The following PID1 variants were observed in gnomAD, a reference collection of about 807,000 sequenced individuals.
PID1 encodes PTB-containing, cubilin and LRP1-interacting protein.
In PID1, 10 loss-of-function variants were observed where a neutral mutation model predicts 19.1. The ratio of observed to expected loss-of-function variants is 0.52; its 90% CI spans 0.32 to 0.89. The LOEUF is 0.89. PID1 is among the 40% of genes least tolerant of loss of function. The probability of loss-of-function intolerance (pLI) is 0.03; values close to 1 mark genes in which losing one functional copy is unlikely to be tolerated. For synonymous variants in PID1, 130 were observed against 116.0 expected, an observed-to-expected ratio of 1.12 and a Z score of -0.78; for missense variants, 248 against 285.3, an observed-to-expected ratio of 0.87 and a Z score of 0.94.
At chr2:229,260,541 AT>A (rs1346739738) in intron 1 of PID1, among the ~76,000 whole-genome samples, 1 of 151,164 alleles carries the variant, frequency 6.6e-6, no homozygotes, top group African/African-American at 2.4e-5. Context: ...TATAATTGAA[AT>A]TCATGAGAAA....
intron 1 of PID1, among the ~76,000 whole-genome samples, chr2:229,166,281 G>A (rs10171191): frequency 0.45 from 68,421 of 152,004 alleles, 16,915 homozygotes; most frequent in Admixed American, 0.61. Context: ...TGACTGAGAG[G>A]AGATCAGTTG....
At chr2:229,143,308 G>T (rs960781071) in intron 2 of PID1, among the ~76,000 whole-genome samples, 3 of 151,302 alleles carry the variant, frequency 2.0e-5, no homozygotes, top group African/African-American at 7.3e-5. Context: ...TAACTAACCT[G>T]CACATTGTGC....
intron 2 of PID1, among the ~76,000 whole-genome samples, chr2:229,063,997 G>A (rs1694269055): frequency 1.3e-5 from 2 of 151,984 alleles, no homozygotes; most frequent in South Asian, 4.2e-4. Flanking sequence ...AATCATCCTA[G>A]GGGAAAATAT....
At chr2:229,035,586 T>C (rs1008024560) in intron 2 of PID1, among the ~76,000 whole-genome samples, 2 of 151,824 alleles carry the variant, frequency 1.3e-5, no homozygotes, top group African/African-American at 4.8e-5. Flanking sequence ...ATGATTCTGA[T>C]ACCAAAAGAT....
At chr2:229,116,185 C>T (rs919597883) in intron 2 of PID1, among the ~76,000 whole-genome samples, 2 of 152,108 alleles carry the variant, frequency 1.3e-5, no homozygotes, top group Admixed American at 6.5e-5. Context: ...CGAGATTGCA[C>T]CACTGCACTC....
At position 229,177,265 on chromosome 2, in the gene PID1, T is replaced by A. The variant is rs185274609; in HGVS notation, c.31-21301A>T. On this transcript the variant is annotated intron_variant, in intron 1 of 2. Transcript: ENST00000392055. ...TAGGGACACAGCCAACCATATCGCC[T>A]CCCAAGCCCCAGTTTGTTCATCTGT... 6.0e-4 allele frequency among the ~76,000 whole-genome samples: 92 copies of A among 152,180 alleles called. 2 individuals are homozygous for A. Among genetic ancestry groups the A allele is most frequent in the African/African-American group, 2.0e-3 (83 of 41,536 alleles).
rs112003681 is a variant in PID1 at position 229,095,140 on chromosome 2, C to T, written c.177+60678G>A. On this transcript the variant is annotated intron_variant, in intron 2 of 2. Transcript: ENST00000392055. ...ATACCCTTCCCTAACCTAAACCACACAAACACAGAGAGACCCCGGTTTCTC... is the reference window on the plus strand; with the variant it reads ...ATACCCTTCCCTAACCTAAACCACATAAACACAGAGAGACCCCGGTTTCTC... 7.6e-3 allele frequency among the ~76,000 whole-genome samples: 1,157 copies of T among 152,260 alleles called. 15 individuals are homozygous for T. Among genetic ancestry groups the T allele is most frequent in the African/African-American group, 0.027 (1,107 of 41,534 alleles).
At chr2:229,077,729 G>A (rs1694588312) in intron 2 of PID1, among the ~76,000 whole-genome samples, 1 of 152,118 alleles carries the variant, frequency 6.6e-6, no homozygotes, top group African/African-American at 2.4e-5. Flanking sequence ...CCTCTGTTCT[G>A]TTCCATTGGT....
At chr2:229,200,059 G>A (rs958870474) in intron 1 of PID1, among the ~76,000 whole-genome samples, 5 of 151,726 alleles carry the variant, frequency 3.3e-5, no homozygotes, top group African/African-American at 7.3e-5. Flanking sequence ...CACAGGTTCC[G>A]GCACTAAGAG....
chr2:229,090,302 C>A lies in PID1; in HGVS notation c.178-64194G>T, dbSNP rs149974186. On this transcript the variant is annotated intron_variant, in intron 2 of 2. Coordinates refer to ENST00000392055, the MANE Select transcript of PID1 (RefSeq NM_001100818.2). ...AGCAAAGCAGGAATCTACAGAATAA[C>A]AGACTAATTTAATTAATGCCATTTG... Among the ~76,000 whole-genome samples, 739 of 152,294 alleles carry A rather than the reference C, an allele frequency of 4.9e-3. 11 individuals are homozygous for A. Among genetic ancestry groups the A allele is most frequent in the African/African-American group, 0.017 (707 of 41,566 alleles).
chr2:229,192,179 T>C (rs540713450), intron 1 of PID1, among the ~76,000 whole-genome samples: 1 of 152,336 alleles, frequency 6.6e-6, no homozygotes, highest in East Asian at 1.9e-4. Context: ...ACTAGCTCTT[T>C]CAATACACAA....
intron 1 of PID1, among the ~76,000 whole-genome samples, chr2:229,185,026 ACTATATATC>A (rs1475621801): frequency 6.9e-6 from 1 of 144,796 alleles, no homozygotes; most frequent in African/African-American, 2.5e-5. Flanking sequence ...CTATATGTAT[ACTATATATC>A]CTATATATAT....
At chr2:229,026,632 T>C (rs1039784962) in intron 2 of PID1, among the ~76,000 whole-genome samples, 7 of 152,370 alleles carry the variant, frequency 4.6e-5, no homozygotes, top group African/African-American at 1.7e-4. Context: ...ACGCAAAAAC[T>C]GTTCTCTTGA....
intron 1 of PID1, among the ~76,000 whole-genome samples, chr2:229,198,563 T>A (rs188628510): frequency 6.6e-6 from 1 of 152,098 alleles, no homozygotes; most frequent in Admixed American, 6.6e-5. Context: ...ATGTCCCATA[T>A]GGAATACACA....
intron 2 of PID1, among the ~76,000 whole-genome samples, chr2:229,090,725 A>G (rs1042032817): frequency 1.3e-5 from 2 of 152,240 alleles, no homozygotes; most frequent in Admixed American, 1.3e-4. Flanking sequence ...GCCAGGCAAG[A>G]AATGAGAGAA....
intron 1 of PID1, among the ~76,000 whole-genome samples, chr2:229,260,000 G>T (rs541462432): frequency 4.0e-4 from 61 of 152,252 alleles, no homozygotes; most frequent in Admixed American, 4.6e-4. Flanking sequence ...AATGTCTGTA[G>T]TTTCTAAGCT....
intron 1 of PID1, among the ~76,000 whole-genome samples, chr2:229,223,728 A>G (rs1348609872): frequency 6.6e-6 from 1 of 152,236 alleles, no homozygotes; most frequent in Non-Finnish European, 1.5e-5. Flanking sequence ...TGTGAAGCCA[A>G]TAGTAACCTC....
chr2:229,217,027 A>T (rs1446357808), intron 1 of PID1, among the ~76,000 whole-genome samples: 3 of 152,242 alleles, frequency 2.0e-5, no homozygotes, highest in South Asian at 2.1e-4. Flanking sequence ...TAAGTAGATA[A>T]AATCACTATA....
chr2:229,168,005 A>G (rs1286819960), intron 1 of PID1, among the ~76,000 whole-genome samples: 2 of 152,130 alleles, frequency 1.3e-5, no homozygotes, highest in African/African-American at 4.8e-5. Flanking sequence ...ACTAAGTTAT[A>G]TTCTAGTTTC....
Sources: gnomAD v4.1 joint callset for allele counts (sites outside exome capture counted in the v4.1 genomes callset) on GRCh38, gnomAD v4.1.1 for gene constraint, MANE v1.5 for transcripts, NCBI Gene and HGNC (gene_info 2026-07-23, HGNC 2026-07-21) for gene names.